TDRD7: variants seen among roughly 807,000 people sequenced by gnomAD.
TDRD7 encodes tudor domain-containing protein 7.
TDRD7 carries 47 observed loss-of-function variants against 109.8 expected under a neutral mutation model. That is an observed-to-expected ratio of 0.43 (90% CI 0.34 to 0.55). The LOEUF (loss-of-function observed/expected upper bound fraction) is 0.55, where lower values mean the gene tolerates loss of function less well. Ranked by LOEUF, TDRD7 falls within the 20% of genes least tolerant of loss-of-function variation. The probability of loss-of-function intolerance (pLI) is 0.03; values close to 1 mark genes in which losing one functional copy is unlikely to be tolerated. For synonymous variants in TDRD7, 424 were observed against 457.3 expected (o/e 0.93, Z 0.93); for missense variants, 1,164 against 1,319.2 (o/e 0.88, Z 1.82).
chr9:97,488,220 T>C (rs991713163), intron 16 of TDRD7, among the ~76,000 whole-genome samples: 2 of 152,202 alleles, frequency 1.3e-5, no homozygotes, highest in Admixed American at 6.5e-5. Flanking sequence ...GCAGAGGTTT[T>C]TGAGGCCCAA....
chr9:97,415,507 A>C (rs2118190598), intron 1 of TDRD7, among the ~76,000 whole-genome samples: 1 of 152,326 alleles, frequency 6.6e-6, no homozygotes, highest in South Asian at 2.1e-4. Context: ...GTAGAGTGAG[A>C]ATTATTTTAG....
chr9:97,426,005 T>C (rs950025273), intron 1 of TDRD7, among the ~76,000 whole-genome samples: 1 of 152,126 alleles, frequency 6.6e-6, no homozygotes, highest in Non-Finnish European at 1.5e-5. Flanking sequence ...ATTAACACAA[T>C]GGTAAGTATT....
intron 12 of TDRD7, among the ~76,000 whole-genome samples, chr9:97,476,260 T>G (rs1450933605): frequency 1.3e-5 from 2 of 152,220 alleles, no homozygotes; most frequent in Non-Finnish European, 2.9e-5. Flanking sequence ...CAAGACAATT[T>G]TGGCTTTAAA....
rs1417100607 is a variant in TDRD7, at chr9:97,480,860, A to C, written c.2334A>C (p.Gln778His). 1.2e-6 allele frequency: 2 copies of C among 1,614,052 alleles called. No homozygotes were observed. Among genetic ancestry groups the C allele is most frequent in the South Asian group, 2.2e-5 (2 of 91,088 alleles). The change falls in exon 14 of 17, where the codon CAA becomes CAC. Residue 778 changes from glutamine (Q) to histidine (H), a missense_variant. Coordinates refer to ENST00000355295, the MANE Select transcript of TDRD7 (RefSeq NM_014290.3). ...AIKCCLADLP[Q>H]SIGMWTPDAV... The stretch of plus-strand genomic sequence containing the variant: ...AGTGCTGTTTAGCAGATCTTCCACA[A>C]TCTATTGGCATGTGGACACCAGATG...
intron 6 of TDRD7, among the ~76,000 whole-genome samples, chr9:97,456,972 A>C (rs1828624607): frequency 6.6e-6 from 1 of 152,348 alleles, no homozygotes; most frequent in South Asian, 2.1e-4. Flanking sequence ...AAACATATGT[A>C]CAAGAAAAAA....
chr9:97,445,507 A>C (rs145382438), intron 6 of TDRD7, among the ~76,000 whole-genome samples: 81 of 152,328 alleles, frequency 5.3e-4, no homozygotes, highest in African/African-American at 1.9e-3. Context: ...ACATAGTCTG[A>C]TGAGTCAAGT....
chr9:97,414,652 G>C lies in TDRD7; in HGVS notation c.-7+2414G>C, dbSNP rs189532291. 2.0e-3 allele frequency among the ~76,000 whole-genome samples: 305 copies of C among 152,256 alleles called. 3 individuals carry two copies. The highest frequency in any genetic ancestry group is 0.016 in the Admixed American group (248 of 15,286). On this transcript the variant is annotated intron_variant, in intron 1 of 16. Transcript: ENST00000355295. ...TACTTACGTACATTCGTGGTATGCA[G>C]TTAAAATGCACGAATAATTTGGAAC... is the stretch of plus-strand genomic sequence containing the variant.
intron 4 of TDRD7, among the ~76,000 whole-genome samples, chr9:97,433,839 T>A (rs1267948107): frequency 1.3e-5 from 2 of 152,134 alleles, no homozygotes; most frequent in African/African-American, 2.4e-5. Context: ...GTATGTAGTA[T>A]GGCTACTATC....
chr9:97,479,767 A>G (rs981124896), intron 13 of TDRD7, among the ~76,000 whole-genome samples: 4 of 152,186 alleles, frequency 2.6e-5, no homozygotes, highest in African/African-American at 4.8e-5. Context: ...TAAAAATGTG[A>G]ACTGGTTGCC....
At chr9:97,425,495 A>G (rs1564194156) in intron 1 of TDRD7, among the ~76,000 whole-genome samples, 3 of 152,268 alleles carry the variant, frequency 2.0e-5, no homozygotes, top group Admixed American at 6.5e-5. Context: ...CTAGGTGTGT[A>G]CTAGGCTATA....
chr9:97,464,493 G>A (rs1363049414), intron 7 of TDRD7, among the ~76,000 whole-genome samples: 1 of 151,978 alleles, frequency 6.6e-6, no homozygotes, highest in East Asian at 1.9e-4. Flanking sequence ...AAGTAGCTGG[G>A]ACTACAGGCG....
chr9:97,443,922 T>G (rs1828355463), intron 6 of TDRD7, among the ~76,000 whole-genome samples: 1 of 152,188 alleles, frequency 6.6e-6, no homozygotes, highest in South Asian at 2.1e-4. Context: ...ATGTAATGTG[T>G]TTCTAGTTTT....
chr9:97,449,409 G>C (rs1828452888), intron 6 of TDRD7, among the ~76,000 whole-genome samples: 1 of 152,224 alleles, frequency 6.6e-6, no homozygotes, highest in Non-Finnish European at 1.5e-5. Flanking sequence ...ACTTCTGACT[G>C]ACCAGCTTCA....
chr9:97,448,393 G>A (rs1828436340), intron 6 of TDRD7, among the ~76,000 whole-genome samples: 1 of 152,150 alleles, frequency 6.6e-6, no homozygotes, highest in Non-Finnish European at 1.5e-5. Context: ...TGCCATTGGG[G>A]ACCATTTCCC....
chr9:97,487,928 T>C (rs901711916), intron 16 of TDRD7, among the ~76,000 whole-genome samples: 1 of 152,184 alleles, frequency 6.6e-6, no homozygotes, highest in African/African-American at 2.4e-5. Context: ...ATGGAATATA[T>C]GACCATTTTC....
intron 8 of TDRD7, among the ~76,000 whole-genome samples, chr9:97,467,166 G>A (rs778580830): frequency 6.6e-5 from 10 of 152,088 alleles, no homozygotes; most frequent in Non-Finnish European, 7.4e-5. Flanking sequence ...TCACTCCCCC[G>A]GCCCTTAGGA....
intron 7 of TDRD7, among the ~76,000 whole-genome samples, chr9:97,461,512 A>ATC (rs1291572679): frequency 6.6e-6 from 1 of 152,026 alleles, no homozygotes; most frequent in Non-Finnish European, 1.5e-5. Flanking sequence ...GTCTTTCAGT[A>ATC]TCGTTGCCTG....
chr9:97,484,542 G>A (rs1046976584), intron 15 of TDRD7, among the ~76,000 whole-genome samples: 3 of 151,610 alleles, frequency 2.0e-5, no homozygotes, highest in Non-Finnish European at 2.9e-5. Flanking sequence ...TATATGAAAT[G>A]TTTTAATTCT....
intron 7 of TDRD7, among the ~76,000 whole-genome samples, 168 bp from the exon 8 acceptor site, chr9:97,464,674 A>G (rs1284006293): frequency 6.6e-6 from 1 of 152,096 alleles, no homozygotes; most frequent in East Asian, 1.9e-4. Context: ...TTCTTTTTCA[A>G]GAGATAAGTA....
Sources: gnomAD v4.1 joint callset for allele counts (sites outside exome capture counted in the v4.1 genomes callset) on GRCh38, gnomAD v4.1.1 for gene constraint, MANE v1.5 for transcripts, NCBI Gene and HGNC (gene_info 2026-07-23, HGNC 2026-07-21) for gene names.